The following MYO5C variants were observed in gnomAD, a reference collection of about 807,000 sequenced individuals.
MYO5C encodes the protein myosin VC, also known as unconventional myosin-Vc.
A neutral mutation model predicts 235.7 loss-of-function variants in MYO5C; 194 were observed. The ratio of observed to expected loss-of-function variants is 0.82; its 90% CI spans 0.73 to 0.93. The LOEUF (loss-of-function observed/expected upper bound fraction) is 0.93, where lower values mean the gene tolerates loss of function less well. MYO5C is among the 40% of genes least tolerant of loss of function. The pLI is 0.00. For missense variants in MYO5C, 2,038 were observed against 2,127.2 expected (o/e 0.96, Z 0.82); for synonymous variants, 707 against 754.8 (o/e 0.94, Z 1.04).
In MYO5C at chr15:52,272,699, G is replaced by C. The variant is rs374820157; in HGVS notation, c.631C>G (p.Arg211Gly). 1.9e-6 allele frequency: 3 copies of C among 1,613,738 alleles called. No individual in the cohort carries two copies. Among genetic ancestry groups the C allele is most frequent in the African/African-American group, 1.3e-5 (1 of 74,866 alleles). ...TEAVGNAKTT[R>G]NDNSSRFGKY... is the part of the protein sequence containing the mutation. ...CCAAACCGACTACTATTGTCATTGC[G>C]GGTGGTCTTGGCATTTCCAACGGCC... Residue 211 changes from arginine to glycine, a missense_variant, in exon 6 of 41, where the codon CGC (arginine) becomes GGC (glycine). Physicochemically the swap from Arg to Gly is moderately radical, Grantham distance 125. Coordinates refer to ENST00000261839, the MANE Select transcript of MYO5C (RefSeq NM_018728.4).
chr15:52,206,033 C>G (rs1200070020), intron 36 of MYO5C, 67 bp from the exon 37 acceptor site: 2 of 997,410 alleles, frequency 2.0e-6, no homozygotes, highest in Non-Finnish European at 1.4e-6. Context: ...TAATCAGCTA[C>G]TATAACTCTT....
At chr15:52,286,462 G>C (rs1263309903) in intron 1 of MYO5C, among the ~76,000 whole-genome samples, 1 of 152,174 alleles carries the variant, frequency 6.6e-6, no homozygotes, top group Non-Finnish European at 1.5e-5. Context: ...CATTGAGAAC[G>C]GGCCATGATG....
At position 52,279,006 on chromosome 15, in the gene MYO5C, C is replaced by T; in HGVS notation, c.316G>A (p.Val106Met). The T allele has an allele frequency of 6.2e-7, 1 of 1,612,218 alleles. No individual in the cohort carries two copies. Among genetic ancestry groups the T allele is most frequent in the Non-Finnish European group, 8.5e-7 (1 of 1,178,666 alleles). The change falls in exon 4 of 41, where the codon GTG (valine) becomes ATG (methionine). Residue 106 changes from valine to methionine, a missense_variant. Transcript: ENST00000261839. ...AACTGCTTGTAAGGATTCATGGCCACCAAAATGATTCCTGGGGAAAGATGT... is the reference window on the plus strand; with the variant it reads ...AACTGCTTGTAAGGATTCATGGCCATCAAAATGATTCCTGGGGAAAGATGT... ...LIYTYSGIIL[V>M]AMNPYKQLPI...
At chr15:52,209,231 A>G (rs1327676696) in intron 35 of MYO5C, among the ~76,000 whole-genome samples, 3 of 152,184 alleles carry the variant, frequency 2.0e-5, no homozygotes, top group Admixed American at 6.5e-5. Flanking sequence ...GATTTAAAAG[A>G]CAAGGGAGGA....
chr15:52,248,038 C>T (rs979010214), intron 14 of MYO5C, among the ~76,000 whole-genome samples: 1 of 152,220 alleles, frequency 6.6e-6, no homozygotes, highest in Non-Finnish European at 1.5e-5. Context: ...GAACCGTCTT[C>T]ATCTTGTATT....
At chr15:52,240,987 C>T (rs2036207281) in intron 20 of MYO5C, among the ~76,000 whole-genome samples, 2 of 152,160 alleles carry the variant, frequency 1.3e-5, no homozygotes, top group Admixed American at 1.3e-4. Flanking sequence ...TTGCTCTCCT[C>T]CCTCCTTGAA....
chr15:52,196,455 G>A lies in MYO5C; in HGVS notation c.4849C>T (p.Leu1617Phe). 6.2e-7 allele frequency: 1 copy of A among 1,613,922 alleles called. No individual in the cohort carries two copies. ...CTGTTCTGCAAGTTCTTATCTTTAA[G>A]CCATTCTTCTAAGTAGCTGATATTG... is the stretch of plus-strand genomic sequence containing the variant. ...RCNISYLEEW[L>F]KDKNLQNSLA... The change falls in exon 39 of 41, where the codon CTT (leucine) becomes TTT (phenylalanine). Residue 1617 changes from leucine to phenylalanine, a missense_variant. Leu to Phe is a conservative substitution (Grantham distance 22, BLOSUM62 0). Coordinates refer to ENST00000261839, the MANE Select transcript of MYO5C (RefSeq NM_018728.4).
At chr15:52,208,021 G>A (rs989605467) in intron 36 of MYO5C, among the ~76,000 whole-genome samples, 1 of 152,212 alleles carries the variant, frequency 6.6e-6, no homozygotes, top group African/African-American at 2.4e-5. Flanking sequence ...TACACTGCTG[G>A]TGGGGCTGTG....
intron 29 of MYO5C, among the ~76,000 whole-genome samples, chr15:52,221,928 GAT>G (rs1425773220): frequency 6.6e-6 from 1 of 152,180 alleles, no homozygotes; most frequent in African/African-American, 2.4e-5. Context: ...GTGTGAAAGT[GAT>G]ATGCATTTAG....
chr15:52,232,320 G>A (rs77698816), intron 24 of MYO5C, among the ~76,000 whole-genome samples: 1,447 of 119,126 alleles, frequency 0.012, 500 homozygotes, highest in East Asian at 0.09. Flanking sequence ...AAGGAGAGAA[G>A]GAAGGAAGGA....
chr15:52,224,845 A>T, intron 28 of MYO5C, 56 bp downstream of exon 28: 1 of 1,462,676 alleles, frequency 6.8e-7, no homozygotes, highest in Non-Finnish European at 9.5e-7. Flanking sequence ...GGACTTTCCA[A>T]TAGTCTATTT....
chr15:52,275,794 GGACAA>G (rs1318793372), intron 4 of MYO5C, 76 bp from the exon 5 acceptor site: 48 of 1,393,504 alleles, frequency 3.4e-5, no homozygotes, highest in East Asian at 4.6e-5. Context: ...AGACAAATGT[GGACAA>G]GACAAAAGAG....
intron 16 of MYO5C, among the ~76,000 whole-genome samples, chr15:52,246,430 G>A (rs2036345820): frequency 6.6e-6 from 1 of 152,130 alleles, no homozygotes; most frequent in African/African-American, 2.4e-5. Flanking sequence ...CCCATCTGGT[G>A]ACCCATACAC....
At chr15:52,249,688 G>A (rs887401031) in intron 13 of MYO5C, among the ~76,000 whole-genome samples, 5 of 152,182 alleles carry the variant, frequency 3.3e-5, no homozygotes, top group Non-Finnish European at 5.9e-5. Flanking sequence ...GAATGGTGGT[G>A]TGAGCCACTA....
Position 52,208,594 on chromosome 15 carries a change from C to G in MYO5C, c.4346G>C (p.Cys1449Ser). Residue 1449 changes from cysteine to serine, a missense_variant, in exon 36 of 41, where the codon TGT becomes TCT. By Grantham distance (112) the Cys-to-Ser change is moderately radical. Coordinates refer to ENST00000261839, the MANE Select transcript of MYO5C (RefSeq NM_018728.4). ...CTGCTTCAGGCAATTGAGAAAATGA[C>G]AAGTGTTGGAAAGCCAAAAGGACAG... is the stretch of plus-strand genomic sequence containing the variant. ...EMLSFWLSNTCHFLNCLKQYS... is the reference protein window; with the variant it reads ...EMLSFWLSNTSHFLNCLKQYS... 1 of 1,614,136 alleles carries G rather than the reference C, an allele frequency of 6.2e-7. No individual in the cohort carries two copies. Among genetic ancestry groups the G allele is most frequent in the Non-Finnish European group, 8.5e-7 (1 of 1,180,002 alleles).
intron 5 of MYO5C, among the ~76,000 whole-genome samples, chr15:52,275,072 C>T (rs1290150771): frequency 1.3e-5 from 2 of 152,186 alleles, no homozygotes; most frequent in Non-Finnish European, 2.9e-5. Flanking sequence ...CAGTAGTGTG[C>T]TGATGAACTG....
chr15:52,233,107 G>A (rs1242968449), intron 23 of MYO5C, among the ~76,000 whole-genome samples: 4 of 25,736 alleles, frequency 1.6e-4, no homozygotes, highest in South Asian at 8.1e-4. Flanking sequence ...GTGAAACCCC[G>A]TCTCTACTAA....
At chr15:52,276,984 A>T in intron 4 of MYO5C, 1 of 403,080 alleles carries the variant, frequency 2.5e-6, no homozygotes, top group African/African-American at 2.1e-5. Context: ...ATGGTGACTC[A>T]GGGGTGGAGT....
chr15:52,272,085 G>A (rs1029029582), intron 6 of MYO5C, among the ~76,000 whole-genome samples: 8 of 152,170 alleles, frequency 5.3e-5, no homozygotes, highest in Non-Finnish European at 1.2e-4. Context: ...CTATGAAATG[G>A]GAATGGCGTA....
Sources: gnomAD v4.1 joint callset for allele counts (sites outside exome capture counted in the v4.1 genomes callset) on GRCh38, gnomAD v4.1.1 for gene constraint, MANE v1.5 for transcripts, NCBI Gene and HGNC (gene_info 2026-07-23, HGNC 2026-07-21) for gene names.